ZNF385D: variants seen among roughly 807,000 people sequenced by gnomAD.
ZNF385D encodes zinc finger protein 659.
ZNF385D carries 15 observed loss-of-function variants against 35.8 expected under a neutral mutation model. That is an observed-to-expected ratio of 0.42 (90% CI 0.28 to 0.64). The LOEUF (loss-of-function observed/expected upper bound fraction) is 0.64, where lower values mean the gene tolerates loss of function less well. ZNF385D is among the 30% of genes least tolerant of loss of function. The pLI, the probability that ZNF385D is intolerant of heterozygous loss-of-function variation, is 0.23. For missense variants in ZNF385D, 474 were observed against 494.6 expected (o/e 0.96, Z 0.39); for synonymous variants, 212 against 186.8 (o/e 1.13, Z -1.10).
intron 2 of ZNF385D, among the ~76,000 whole-genome samples, chr3:22,250,787 T>C (rs1700021951): frequency 6.6e-6 from 1 of 152,046 alleles, no homozygotes; most frequent in Non-Finnish European, 1.5e-5. Context: ...AAGGGCAAAA[T>C]GTGCTGTCAG....
intron 3 of ZNF385D, among the ~76,000 whole-genome samples, chr3:21,803,395 G>C (rs2072497778): frequency 1.3e-5 from 2 of 152,006 alleles, no homozygotes; most frequent in East Asian, 3.9e-4. Flanking sequence ...AAATCATCTG[G>C]ACACCATGTT....
chr3:21,412,358 C>G lies in ZNF385D; in HGVS notation c.*8856G>C, dbSNP rs1407921986. 1 of 151,978 alleles carries G rather than the reference C, an allele frequency of 6.6e-6. No individual in the cohort carries two copies. Among genetic ancestry groups the G allele is most frequent in the Admixed American group, 6.6e-5 (1 of 15,236 alleles). 9.4% of individuals were successfully genotyped at this position (151,978 alleles called of 1,614,324 possible). ...CGTGTTATATAGGTTTACCATAACT[C>G]TCAGAACAGGAGTATATTACAAACA... On this transcript the variant is annotated 3_prime_UTR_variant, in exon 8 of 8. Coordinates refer to ENST00000281523, the MANE Select transcript of ZNF385D (RefSeq NM_024697.3).
rs532828271 is a variant in ZNF385D at position 22,127,032 on chromosome 3, T to C, written c.325+41785A>G. Among the ~76,000 whole-genome samples the C allele has an allele frequency of 2.0e-5, 3 of 152,216 alleles. No homozygotes were observed. In the South Asian group the frequency reaches 6.2e-4, roughly 32 times the overall value. Reference sequence around the variant, plus strand: ...TGGCTTTCATTAGTATGGAATATCTTTTTCCATCTCATTATTTTCAGTCTA... The same window carrying C: ...TGGCTTTCATTAGTATGGAATATCTCTTTCCATCTCATTATTTTCAGTCTA... On this transcript the variant is annotated intron_variant, in intron 3 of 5. Transcript: ENST00000494108.
chr3:21,899,574 G>A (rs1699300217), intron 3 of ZNF385D, among the ~76,000 whole-genome samples: 1 of 152,074 alleles, frequency 6.6e-6, no homozygotes, highest in Admixed American at 6.6e-5. Flanking sequence ...CAGAACCACT[G>A]TTAGATCATG....
At chr3:21,428,130 C>G (rs1212260824) in intron 5 of ZNF385D, among the ~76,000 whole-genome samples, 2 of 151,902 alleles carry the variant, frequency 1.3e-5, no homozygotes, top group Non-Finnish European at 2.9e-5. Flanking sequence ...CCAAATACAG[C>G]TAAAATTTAG....
chr3:21,437,644 T>G (rs1431326811), intron 4 of ZNF385D, among the ~76,000 whole-genome samples: 1 of 150,504 alleles, frequency 6.6e-6, no homozygotes, highest in African/African-American at 2.4e-5. Flanking sequence ...CTTCTGTCTT[T>G]CATTGTTTCT....
chr3:21,743,227 T>C (rs1335636402), intron 1 of ZNF385D, among the ~76,000 whole-genome samples: 3 of 152,116 alleles, frequency 2.0e-5, no homozygotes, highest in Non-Finnish European at 2.9e-5. Flanking sequence ...AGAGATGGGG[T>C]CACTGTAAAT....
At chr3:21,968,074 G>A (rs949240864) in intron 3 of ZNF385D, among the ~76,000 whole-genome samples, 3 of 152,152 alleles carry the variant, frequency 2.0e-5, no homozygotes, top group African/African-American at 7.2e-5. Flanking sequence ...TGGGTGTACG[G>A]TGCAGAGAGA....
chr3:21,498,627 G>T (rs1706109168), intron 4 of ZNF385D, among the ~76,000 whole-genome samples: 2 of 152,022 alleles, frequency 1.3e-5, no homozygotes, highest in South Asian at 4.2e-4. Context: ...AATCATTATA[G>T]AAATGCAAAT....
chr3:21,913,501 C>A (rs1451484837), intron 3 of ZNF385D, among the ~76,000 whole-genome samples: 1 of 152,048 alleles, frequency 6.6e-6, no homozygotes. Context: ...TATGCTCATC[C>A]TTACAGTGTT....
chr3:21,839,543 A>G (rs1406035982), intron 3 of ZNF385D, among the ~76,000 whole-genome samples: 2 of 152,102 alleles, frequency 1.3e-5, no homozygotes, highest in East Asian at 1.9e-4. Context: ...CAGAAACTCT[A>G]TTAGGCAAGA....
At chr3:22,209,145 C>T (rs1393582790) in intron 2 of ZNF385D, among the ~76,000 whole-genome samples, 1 of 151,870 alleles carries the variant, frequency 6.6e-6, no homozygotes, top group Non-Finnish European at 1.5e-5. Context: ...TCAAGGCACA[C>T]TGTGAACAAA....
In ZNF385D at chr3:21,757,120, C is replaced by CT. The variant is rs61226426; in HGVS notation, c.326-92093dup. On this transcript the variant is annotated intron_variant, in intron 3 of 5. Transcript: ENST00000494108. ...CTTTGGAGACATATGATAAATTTCT[C>CT]TTTTTTTTTTTTTTTTTTTGTTTTC... Among the ~76,000 whole-genome samples, 342 of 106,404 alleles carry CT rather than the reference C, an allele frequency of 3.2e-3. 2 individuals are homozygous for CT. The highest frequency in any genetic ancestry group is 8.2e-3 in the African/African-American group (229 of 27,906). The allele number at this position is 106,404 out of a possible 152,430, so 69.8% of individuals were successfully genotyped here. A position where few individuals can be genotyped will look rare whatever the true frequency, so the allele number is the denominator to read the frequency against.
chr3:21,827,295 G>A (rs778669658), intron 3 of ZNF385D, among the ~76,000 whole-genome samples: 2 of 151,972 alleles, frequency 1.3e-5, no homozygotes, highest in Admixed American at 6.6e-5. Flanking sequence ...TTATATTAAT[G>A]CATCTTTAAT....
chr3:22,044,286 A>G (rs774668821), intron 3 of ZNF385D, among the ~76,000 whole-genome samples: 13 of 151,962 alleles, frequency 8.6e-5, no homozygotes, highest in Non-Finnish European at 1.3e-4. Flanking sequence ...TCGTCTTTGG[A>G]AATCTGAATT....
intron 2 of ZNF385D, among the ~76,000 whole-genome samples, chr3:21,573,947 G>C (rs1841915): frequency 0.69 from 104,681 of 151,342 alleles, 37,358 homozygotes; most frequent in African/African-American, 0.88. Context: ...GTAATCCCAG[G>C]TACTTGGGAG....
At chr3:21,674,464 T>C (rs1356361124) in intron 1 of ZNF385D, among the ~76,000 whole-genome samples, 1 of 152,120 alleles carries the variant, frequency 6.6e-6, no homozygotes, top group African/African-American at 2.4e-5. Flanking sequence ...ACTTTTGGAA[T>C]GTCACATTTC....
At position 21,750,963 on chromosome 3, in the gene ZNF385D, T is replaced by G. The variant is rs1381510118; in HGVS notation, c.-47A>C. ...ACCGCGGTGTCTTCAGCATCAGCTC[T>G]CACCCAAGGCTGGCACGTAGAGCAG... On this transcript the variant is annotated 5_prime_UTR_variant, in exon 1 of 8. Coordinates refer to ENST00000281523, the MANE Select transcript of ZNF385D (RefSeq NM_024697.3). The G allele has an allele frequency of 6.2e-7, 1 of 1,613,908 alleles. No homozygotes were observed. The highest frequency in any genetic ancestry group is 8.5e-7 in the Non-Finnish European group (1 of 1,179,968).
intron 2 of ZNF385D, among the ~76,000 whole-genome samples, chr3:22,225,963 A>C (rs1458511706): frequency 1.3e-5 from 2 of 152,176 alleles, no homozygotes; most frequent in Admixed American, 1.3e-4. Flanking sequence ...AAGGTTCTGT[A>C]AGCCACTCCC....
Sources: gnomAD v4.1 joint callset for allele counts (sites outside exome capture counted in the v4.1 genomes callset) on GRCh38, gnomAD v4.1.1 for gene constraint, MANE v1.5 for transcripts, NCBI Gene and HGNC (gene_info 2026-07-23, HGNC 2026-07-21) for gene names.